Variants in MAML3 observed in about 807,000 individuals in gnomAD.
MAML3 encodes mastermind like transcriptional coactivator 3.
In MAML3, 27 loss-of-function variants were observed where a neutral mutation model predicts 101.9. The observed-to-expected ratio is 0.27, with a 90% CI of 0.20 to 0.37. The LOEUF is 0.37. MAML3 is among the 10% of genes least tolerant of loss of function. The pLI, the probability that MAML3 is intolerant of heterozygous loss-of-function variation, is 1.00. For synonymous variants in MAML3, 501 were observed against 555.9 expected, an observed-to-expected ratio of 0.90 and a Z score of 1.39; for missense variants, 1,316 against 1,444.9, an observed-to-expected ratio of 0.91 and a Z score of 1.45.
intron 1 of MAML3, among the ~76,000 whole-genome samples, chr4:139,910,659 T>A (rs1031491449): frequency 6.6e-6 from 1 of 152,174 alleles, no homozygotes; most frequent in Non-Finnish European, 1.5e-5. Flanking sequence ...GACTCTTCTA[T>A]ATAAGAAATC....
intron 1 of MAML3, among the ~76,000 whole-genome samples, chr4:139,958,885 G>A (rs933379509): frequency 2.0e-5 from 3 of 152,176 alleles, no homozygotes; most frequent in Admixed American, 6.5e-5. Context: ...GCTTGTGCTT[G>A]CATTGTTATT....
chr4:139,897,073 C>T (rs1272917627), intron 1 of MAML3, among the ~76,000 whole-genome samples: 1 of 152,208 alleles, frequency 6.6e-6, no homozygotes, highest in African/African-American at 2.4e-5. Context: ...TAAACTCTTA[C>T]TGTCCTGTCC....
chr4:139,851,782 CAT>C (rs1731559786), intron 2 of MAML3, among the ~76,000 whole-genome samples: 1 of 152,140 alleles, frequency 6.6e-6, no homozygotes, highest in African/African-American at 2.4e-5. Context: ...TATATGTGCT[CAT>C]ATTAAAATAA....
At chr4:140,064,115 G>T (rs376516786) in intron 1 of MAML3, among the ~76,000 whole-genome samples, 3 of 152,130 alleles carry the variant, frequency 2.0e-5, no homozygotes, top group Non-Finnish European at 2.9e-5. Flanking sequence ...AAAATCAGAC[G>T]TAAACTTTGT....
At chr4:139,725,709 C>T in intron 4 of MAML3, 42 bp downstream of exon 4, 1 of 1,583,174 alleles carries the variant, frequency 6.3e-7, no homozygotes, top group South Asian at 1.1e-5. Flanking sequence ...TTACGCTTCA[C>T]CACTGGAAGG....
intron 2 of MAML3, among the ~76,000 whole-genome samples, chr4:139,815,302 C>A (rs809945): frequency 6.6e-6 from 1 of 152,102 alleles, no homozygotes; most frequent in African/African-American, 2.4e-5. Context: ...ATTTCTCTTA[C>A]AACAGGTAAA....
chr4:139,728,228 C>CAA (rs922422807), intron 3 of MAML3, among the ~76,000 whole-genome samples: 1 of 151,806 alleles, frequency 6.6e-6, no homozygotes, highest in African/African-American at 2.4e-5. Context: ...ACAAAACAAA[C>CAA]AAAAAAAAGT....
chr4:140,031,098 C>T (rs931575754), intron 1 of MAML3, among the ~76,000 whole-genome samples: 3 of 152,086 alleles, frequency 2.0e-5, no homozygotes, highest in Non-Finnish European at 1.5e-5. Context: ...TCCGATATTG[C>T]CACGAGTTAT....
At chr4:139,766,753 A>T (rs1209199398) in intron 2 of MAML3, among the ~76,000 whole-genome samples, 2 of 152,226 alleles carry the variant, frequency 1.3e-5, no homozygotes, top group Non-Finnish European at 2.9e-5. Flanking sequence ...AATTAAGTCA[A>T]GGGAAGGTAA....
rs541988307 is a variant in MAML3 at position 140,127,018 on chromosome 4, C to G, written c.468+25842G>C. On this transcript the variant is annotated intron_variant, in intron 1 of 4. Transcript: ENST00000509479. ...CGACCTCCCTCCACCCAGTCTTGGT[C>G]TCAAACCTATCTTTCGTATGGTCAT... is the stretch of plus-strand genomic sequence containing the variant. Among the ~76,000 whole-genome samples the G allele has an allele frequency of 5.3e-5, 8 of 152,356 alleles. 1 individual carries two copies. In the South Asian group the frequency reaches 1.7e-3, roughly 32 times the overall value.
At chr4:139,872,225 T>TA (rs1732025633) in intron 2 of MAML3, among the ~76,000 whole-genome samples, 1 of 152,212 alleles carries the variant, frequency 6.6e-6, no homozygotes, top group African/African-American at 2.4e-5. Flanking sequence ...AAAAATTTTT[T>TA]AATCCAGCTT....
At chr4:139,742,120 C>G (rs563471732) in intron 2 of MAML3, among the ~76,000 whole-genome samples, 1 of 150,626 alleles carries the variant, frequency 6.6e-6, no homozygotes, top group African/African-American at 2.4e-5. Flanking sequence ...ATCATCCTCT[C>G]TACAGATCTT....
At position 140,101,838 on chromosome 4, in the gene MAML3, G is replaced by C. The variant is rs116751424; in HGVS notation, c.468+51022C>G. ...TTAGTAAATGCAATTCCACGTGCTG[G>C]GTCAGCTGAGCATTTTTTTTTTTTT... On this transcript the variant is annotated intron_variant, in intron 1 of 4. Coordinates refer to ENST00000509479, the MANE Select transcript of MAML3 (RefSeq NM_018717.5). Among the ~76,000 whole-genome samples, 488 of 151,802 alleles carry C rather than the reference G, an allele frequency of 3.2e-3. 3 individuals carry two copies. Among genetic ancestry groups the C allele is most frequent in the Middle Eastern group, 0.017 (5 of 290 alleles).
intron 2 of MAML3, among the ~76,000 whole-genome samples, chr4:139,822,603 A>C (rs1410229838): frequency 6.6e-6 from 1 of 152,176 alleles, no homozygotes; most frequent in African/African-American, 2.4e-5. Context: ...GCTTCCTTTG[A>C]ATGCATTCCT....
chr4:139,857,793 T>C (rs1731690336), intron 2 of MAML3, among the ~76,000 whole-genome samples: 1 of 152,242 alleles, frequency 6.6e-6, no homozygotes, highest in Non-Finnish European at 1.5e-5. Flanking sequence ...AATGCTATTA[T>C]GTACTACTGG....
chr4:139,719,250 G>T lies in MAML3; in HGVS notation c.*73C>A. ...GTCAAAAAAACAAAAAACAAGGATG[G>T]GTCAACATCCTGTTTCTTTTTCACT... On this transcript the variant is annotated 3_prime_UTR_variant, in exon 5 of 5. Transcript: ENST00000509479. 1 of 1,483,114 alleles carries T rather than the reference G, an allele frequency of 6.7e-7. No individual in the cohort carries two copies. Among genetic ancestry groups the T allele is most frequent in the Non-Finnish European group, 9.0e-7 (1 of 1,111,232 alleles). 91.9% of individuals were successfully genotyped at this position (1,483,114 alleles called of 1,614,324 possible). A position where few individuals can be genotyped will look rare whatever the true frequency, so the allele number is the denominator to read the frequency against.
chr4:140,084,470 A>T (rs1289404396), intron 1 of MAML3, among the ~76,000 whole-genome samples: 1 of 152,184 alleles, frequency 6.6e-6, no homozygotes, highest in East Asian at 1.9e-4. Context: ...GACAACAGTA[A>T]TGCTGTGTAT....
intron 2 of MAML3, among the ~76,000 whole-genome samples, chr4:139,769,347 G>T (rs1356373197): frequency 6.6e-6 from 1 of 152,188 alleles, no homozygotes; most frequent in Non-Finnish European, 1.5e-5. Context: ...CACATCTCAG[G>T]TGCATGGAAC....
intron 1 of MAML3, among the ~76,000 whole-genome samples, chr4:140,108,278 C>T (rs774301944): frequency 9.2e-5 from 14 of 152,022 alleles, no homozygotes; most frequent in African/African-American, 1.7e-4. Context: ...TGCTCTACCA[C>T]GGGCTACTCT....
Sources: allele counts gnomAD v4.1 joint callset (sites outside exome capture counted in the v4.1 genomes callset), GRCh38; gene constraint gnomAD v4.1.1; transcripts MANE v1.5; gene names NCBI Gene and HGNC (gene_info 2026-07-23, HGNC 2026-07-21).